The following INSL6 variants were observed in gnomAD, a reference collection of about 807,000 sequenced individuals.
INSL6 encodes the protein insulin like 6.
A neutral mutation model predicts 9.4 loss-of-function variants in INSL6; 16 were observed. The observed-to-expected ratio is 1.70, with a 90% CI of 1.15 to 2.59. INSL6 has a LOEUF of 2.59. Ranked by LOEUF, INSL6 falls within the 30% of genes most tolerant of loss-of-function variation. The pLI is 0.00. For missense variants in INSL6, 391 were observed against 257.3 expected (o/e 1.52, Z -3.56); for synonymous variants, 154 against 96.9 (o/e 1.59, Z -3.46).
chr9:5,085,762 G>A, the INSL6 span: 2 of 754,954 alleles, frequency 2.6e-6, no homozygotes, highest in Non-Finnish European at 5.0e-6. Flanking sequence ...GCTTGCACAT[G>A]TCGGGAGTTA....
the INSL6 span, chr9:5,110,713 T>C: frequency 5.8e-6 from 2 of 347,346 alleles, no homozygotes; most frequent in Non-Finnish European, 1.1e-5. Flanking sequence ...TGCCACCTCC[T>C]TAACTGCTGG....
the INSL6 span, among the ~76,000 whole-genome samples, chr9:5,075,106 A>G: frequency 3.9e-5 from 6 of 152,040 alleles, no homozygotes; most frequent in East Asian, 1.2e-3. Context: ...GAAGGCTGAG[A>G]GAGGTGAGGA....
chr9:5,123,494 T>C (rs1823770807), downstream of INSL6, among the ~76,000 whole-genome samples: 1 of 152,092 alleles, frequency 6.6e-6, no homozygotes, highest in African/African-American at 2.4e-5. Context: ...TTCGTTGTTA[T>C]GGCTGAATAG....
chr9:5,114,557 C>T, the INSL6 span: 1 of 486,150 alleles, frequency 2.1e-6, no homozygotes, highest in Non-Finnish European at 4.0e-6. Context: ...CCCTCACCTG[C>T]CTGATCCAGA....
the INSL6 span, among the ~76,000 whole-genome samples, chr9:5,021,639 A>G: frequency 1.3e-5 from 2 of 152,024 alleles, no homozygotes; most frequent in African/African-American, 4.8e-5. Flanking sequence ...TTATGTATTC[A>G]TTTTTGAGAC....
At chr9:5,131,810 C>G (rs988719429) in intron 3 of INSL6, among the ~76,000 whole-genome samples, 1 of 152,094 alleles carries the variant, frequency 6.6e-6, no homozygotes, top group African/African-American at 2.4e-5. Context: ...GAGCCCACAG[C>G]TAAACGACAA....
At chr9:5,124,079 G>C (rs906201864) in exon 4 of INSL6, among the ~76,000 whole-genome samples, 1 of 151,540 alleles carries the variant, frequency 6.6e-6, no homozygotes, top group African/African-American at 2.4e-5. Context: ...TGGTTGAATT[G>C]CTTGAGTTCC....
chr9:5,019,814 G>T, the INSL6 span, among the ~76,000 whole-genome samples: 1 of 152,212 alleles, frequency 6.6e-6, no homozygotes, highest in Non-Finnish European at 1.5e-5. Context: ...AACAGCATCA[G>T]TGGTGTCTGT....
chr9:5,064,676 A>C, the INSL6 span, among the ~76,000 whole-genome samples: 1 of 152,256 alleles, frequency 6.6e-6, no homozygotes, highest in African/African-American at 2.4e-5. Flanking sequence ...AGAGTGAACT[A>C]TAACTGGGAA....
the INSL6 span, chr9:5,095,031 G>A: frequency 1.3e-5 from 2 of 149,862 alleles, no homozygotes; most frequent in African/African-American, 4.9e-5. Flanking sequence ...AAATATGTCT[G>A]ACAAAAGAAT....
downstream of INSL6, among the ~76,000 whole-genome samples, chr9:5,160,951 ACT>A (rs1309946164): frequency 6.6e-6 from 1 of 152,098 alleles, no homozygotes; most frequent in Non-Finnish European, 1.5e-5. Flanking sequence ...TATAATAAAA[ACT>A]CTCCAAGCAA....
chr9:5,041,107 C>A, the INSL6 span: 3 of 797,718 alleles, frequency 3.8e-6, no homozygotes, highest in Non-Finnish European at 6.3e-6. Context: ...CCTGTTCGAC[C>A]TTCACGCCCA....
At chr9:5,079,785 C>G in the INSL6 span, among the ~76,000 whole-genome samples, 6 of 151,840 alleles carry the variant, frequency 4.0e-5, no homozygotes, top group Non-Finnish European at 8.8e-5. Context: ...TGCCATTGCA[C>G]TCTAGCCTGA....
chr9:5,092,542 G>T, the INSL6 span, among the ~76,000 whole-genome samples: 2 of 151,994 alleles, frequency 1.3e-5, no homozygotes, highest in African/African-American at 4.8e-5. Flanking sequence ...ATTTACCTTA[G>T]ACAAAAGAAT....
the INSL6 span, chr9:5,050,583 G>A: frequency 2.4e-6 from 3 of 1,227,882 alleles, no homozygotes; most frequent in East Asian, 2.5e-5. Context: ...TTTGTATCTT[G>A]TAAATGCATA....
At chr9:5,114,742 T>C in the INSL6 span, 15,028 of 358,652 alleles carry the variant, frequency 0.042, 437 homozygotes, top group Middle Eastern at 0.075. Context: ...ATCTGCTCTG[T>C]GGTCCATGAG....
chr9:5,074,865 G>A, the INSL6 span, among the ~76,000 whole-genome samples: 2 of 151,862 alleles, frequency 1.3e-5, no homozygotes, highest in Non-Finnish European at 2.9e-5. Context: ...TGAAAGCCAA[G>A]ACAAGCTGAA....
the INSL6 span, chr9:5,099,464 T>G: frequency 4.1e-3 from 627 of 152,358 alleles, 5 homozygotes; most frequent in African/African-American, 0.014. Context: ...CATAACTTTA[T>G]TCTCCATTAT....
At chr9:5,006,586 A>G in the INSL6 span, among the ~76,000 whole-genome samples, 3 of 152,234 alleles carry the variant, frequency 2.0e-5, no homozygotes, top group Non-Finnish European at 4.4e-5. Context: ...ATTTACAATC[A>G]TGGTAGAAGG....
Sources: gnomAD v4.1 joint callset for allele counts (sites outside exome capture counted in the v4.1 genomes callset) on GRCh38, gnomAD v4.1.1 for gene constraint, MANE v1.5 for transcripts, NCBI Gene and HGNC (gene_info 2026-07-23, HGNC 2026-07-21) for gene names.